CAMSAP3: variants seen among roughly 807,000 people sequenced by gnomAD.
CAMSAP3 encodes the protein calmodulin-regulated spectrin-associated protein 3.
Under a neutral mutation model 112.5 loss-of-function variants are expected in CAMSAP3, and 34 were observed. The ratio of observed to expected loss-of-function variants is 0.30; its 90% CI spans 0.23 to 0.40. The LOEUF (loss-of-function observed/expected upper bound fraction) is 0.40. Ranked by LOEUF, CAMSAP3 falls within the 10% of genes least tolerant of loss-of-function variation. The pLI is 1.00. For synonymous variants in CAMSAP3, 868 were observed against 799.8 expected, an observed-to-expected ratio of 1.09 and a Z score of -1.44; for missense variants, 1,602 against 1,770.3, an observed-to-expected ratio of 0.90 and a Z score of 1.71.
Position 7,610,906 on chromosome 19 carries a change from C to T in CAMSAP3, c.1024C>T (p.Pro342Ser). Residue 342 changes from proline to serine, a missense_variant, in exon 8 of 17, where the codon CCA becomes TCA. Transcript: ENST00000160298. This position sits in a 1 kb window ranked among gnomAD's most constrained non-coding sequence, Gnocchi z 4.9. ...AASPRGTEAS[P>S]PQNNSGSSSP... ...CTCCCCCCGGGGCACTGAGGCCTCC[C>T]CACCTCAGAACAACAGCGGCAGTAG... 1 of 1,589,648 alleles carries T rather than the reference C, an allele frequency of 6.3e-7. No individual in the cohort carries two copies. The highest frequency in any genetic ancestry group is 8.6e-7 in the Non-Finnish European group (1 of 1,167,678).
rs1296213296 is a variant in CAMSAP3, at chr19:7,610,504, G to A, written c.789G>A (p.Val263=). ...EEVCLKDPMS[V]ADSLYNLQLV... ...TGTGCTTGAAGGACCCCATGTCTGT[G>A]GCGGACAGCCTGTACAACCTCCAGC... The change falls in exon 6 of 17, where the codon GTG becomes GTA. Residue 263 remains valine, a synonymous_variant. Transcript: ENST00000160298. This position sits in a 1 kb window ranked among gnomAD's most constrained non-coding sequence, Gnocchi z 4.9. 1 of 1,613,256 alleles carries A rather than the reference G, an allele frequency of 6.2e-7. No individual in the cohort carries two copies. The highest frequency in any genetic ancestry group is 8.5e-7 in the Non-Finnish European group (1 of 1,179,938).
Position 7,612,031 on chromosome 19 carries a change from C to T in CAMSAP3, c.1538C>T (p.Pro513Leu), listed in dbSNP as rs2030520352. 6.2e-7 allele frequency: 1 copy of T among 1,612,960 alleles called. No homozygotes were observed. Among genetic ancestry groups the T allele is most frequent in the African/African-American group, 1.3e-5 (1 of 74,946 alleles). Reference sequence around the variant, plus strand: ...ACCTCCAAACCACTGTCCGACAGGCCCACCAAAGCACCAGTGTACATGCCA... The same window carrying T: ...ACCTCCAAACCACTGTCCGACAGGCTCACCAAAGCACCAGTGTACATGCCA... ...EGTSKPLSDRPTKAPVYMPHP... is the reference protein window; with the variant it reads ...EGTSKPLSDRLTKAPVYMPHP... The change falls in exon 11 of 17, where the codon CCC becomes CTC. Residue 513 changes from proline to leucine, a missense_variant. This residue lies in a region of CAMSAP3 where 1,100 missense variants were observed against 1,135.7 expected (regional missense o/e 0.97). Coordinates refer to ENST00000160298, the MANE Select transcript of CAMSAP3 (RefSeq NM_020902.2).
In CAMSAP3 at chr19:7,610,830, G is replaced by A. The variant is rs746941334; in HGVS notation, c.994+37G>A. 2.4e-5 allele frequency: 38 copies of A among 1,609,962 alleles called. No homozygotes were observed. The highest frequency in any genetic ancestry group is 3.3e-5 in the Admixed American group (2 of 59,918). ...GGGGCCTGGGGGCCGGGTCGGGGGC[G>A]GGTGGGAGAGCCAAACCCCCGCCTG... is the stretch of plus-strand genomic sequence containing the variant. On this transcript the variant is annotated intron_variant, in intron 7 of 16. Transcript: ENST00000160298. The surrounding 1 kb of genome is among the most constrained non-coding windows in gnomAD (Gnocchi z 4.9).
Position 7,610,711 on chromosome 19 carries a change from G to A in CAMSAP3, c.912G>A (p.Val304=). 1 of 1,614,052 alleles carries A rather than the reference G, an allele frequency of 6.2e-7. No homozygotes were observed. Among genetic ancestry groups the A allele is most frequent in the African/African-American group, 1.3e-5 (1 of 75,056 alleles). Reference sequence around the variant, plus strand: ...CCTCCCACCTCCAGGTCAACTTGGTGGTGATGCTGGCCGAGTTGTTCATGT... The same window carrying A: ...CCTCCCACCTCCAGGTCAACTTGGTAGTGATGCTGGCCGAGTTGTTCATGT... The part of the protein sequence containing the change: ...YVPPPLKVNL[V]VMLAELFMCF... The change falls in exon 7 of 17, where the codon GTG becomes GTA. Residue 304 remains valine, a synonymous_variant. Coordinates refer to ENST00000160298, the MANE Select transcript of CAMSAP3 (RefSeq NM_020902.2). This position sits in a 1 kb window ranked among gnomAD's most constrained non-coding sequence, Gnocchi z 4.9.
In CAMSAP3 at chr19:7,612,833, C is replaced by T. The variant is rs1203480065; in HGVS notation, c.2340C>T (p.Ser780=). ...PGPGPSQSPR[S]PKHTRPAELR... ...CCGGGCCCAGCCAGTCACCCCGCAG[C>T]CCGAAACACACGCGGCCAGCGGAGC... Residue 780 remains serine, a synonymous_variant, in exon 11 of 17, where the codon AGC becomes AGT. Transcript: ENST00000160298. The T allele has an allele frequency of 2.5e-6, 4 of 1,578,514 alleles. No homozygotes were observed. Among genetic ancestry groups the T allele is most frequent in the East Asian group, 2.3e-5 (1 of 42,572 alleles).
rs549244857 is a variant in CAMSAP3 at position 7,613,220 on chromosome 19, G to A, written c.2670+57G>A. 1.1e-4 allele frequency: 111 copies of A among 988,232 alleles called. No homozygotes were observed. In the African/African-American group the frequency reaches 1.8e-3, roughly 16 times the overall value. The allele number at this position is 988,232 out of a possible 1,614,324, so 61.2% of individuals were successfully genotyped here. ...TGGGCCTGGGGCGGGGGCGGGTGGG[G>A]GCGGGGGGAGGTGGACAAACCCACT... On this transcript the variant is annotated intron_variant, in intron 11 of 16. Coordinates refer to ENST00000160298, the MANE Select transcript of CAMSAP3 (RefSeq NM_020902.2).
At position 7,618,118 on chromosome 19, in the gene CAMSAP3, C is replaced by A; in HGVS notation, c.*61C>A. The A allele has an allele frequency of 6.5e-7, 1 of 1,545,384 alleles. No homozygotes were observed. Among genetic ancestry groups the A allele is most frequent in the South Asian group, 1.2e-5 (1 of 84,564 alleles). On this transcript the variant is annotated 3_prime_UTR_variant, in exon 17 of 17. Coordinates refer to ENST00000160298, the MANE Select transcript of CAMSAP3 (RefSeq NM_020902.2). Reference sequence around the variant, plus strand: ...GCTGCGGCCGCCATCCCCTGGAGGACAGTCAGTCGGTATTCCTGGGTCCTG... The same window carrying A: ...GCTGCGGCCGCCATCCCCTGGAGGAAAGTCAGTCGGTATTCCTGGGTCCTG...
In CAMSAP3 at chr19:7,615,597, TGCTGCGGCCCCGG is replaced by T. The variant is rs1242203813; in HGVS notation, c.2998_3010del (p.Pro1000GlyfsTer38). ...AAGCTGATGGACGACCTCGATAAGG[TGCTGCGGCCCCGG>T]GCTGCGGGGTCCGGGGGTCCAGGTC... On this transcript the variant is annotated frameshift_variant, in exon 13 of 17. Coordinates refer to ENST00000160298, the MANE Select transcript of CAMSAP3 (RefSeq NM_020902.2). LOFTEE classifies it high-confidence loss of function. The surrounding 1 kb of genome is among the most constrained non-coding windows in gnomAD (Gnocchi z 6.5). 6.8e-7 allele frequency: 1 copy of T among 1,480,828 alleles called. No individual in the cohort carries two copies. The highest frequency in any genetic ancestry group is 9.0e-7 in the Non-Finnish European group (1 of 1,116,284). The allele number at this position is 1,480,828 out of a possible 1,614,324, so 91.7% of individuals were successfully genotyped here. A position where few individuals can be genotyped will look rare whatever the true frequency, so the allele number is the denominator to read the frequency against.
chr19:7,606,366 G>A lies in CAMSAP3; in HGVS notation c.498G>A (p.Glu166=), dbSNP rs1280081315. ...GTCCCTTGGCCCTGACCAGCTTGGA[G>A]CACAAGCTGCTTTTCTGGGTGGACA... The part of the protein sequence containing the change: ...LPGPLALTSL[E]HKLLFWVDTT... Residue 166 remains glutamate, a synonymous_variant, in exon 3 of 17, where the codon GAG becomes GAA. Transcript: ENST00000160298. The A allele has an allele frequency of 6.2e-7, 1 of 1,613,854 alleles. No individual in the cohort carries two copies.
rs778811869 is a variant in CAMSAP3 at position 7,596,959 on chromosome 19, ATCCCGGG to A, written c.148+814_148+820del. On this transcript the variant is annotated intron_variant, in intron 1 of 16. Coordinates refer to ENST00000160298, the MANE Select transcript of CAMSAP3 (RefSeq NM_020902.2). ...CCACCCTAATGGGGAGGATGCCGTAATCCCGGGTCCCCGGGATTAGAGGCCCTGGAAA... is the reference window on the plus strand; with the variant it reads ...CCACCCTAATGGGGAGGATGCCGTAATCCCCGGGATTAGAGGCCCTGGAAA... Among the ~76,000 whole-genome samples, 1,448 of 152,000 alleles carry A rather than the reference ATCCCGGG, an allele frequency of 9.5e-3. 10 individuals carry two copies. Among genetic ancestry groups the A allele is most frequent in the African/African-American group, 0.032 (1,325 of 41,520 alleles).
rs1469136003 is a variant in CAMSAP3 at position 7,615,035 on chromosome 19, G to T, written c.2671-148G>T. ...GTCCCAGTACTTAGTGTGGGGCTGT[G>T]CATACAGTAGGCACCAACTAAGTGC... On this transcript the variant is annotated intron_variant, in intron 11 of 16. Coordinates refer to ENST00000160298, the MANE Select transcript of CAMSAP3 (RefSeq NM_020902.2). The surrounding 1 kb of genome is among the most constrained non-coding windows in gnomAD (Gnocchi z 6.5). 4.5e-6 allele frequency: 4 copies of T among 890,820 alleles called. No individual in the cohort carries two copies. The African/African-American group carries it at 4.9e-5, about 11-fold the overall frequency. The allele number at this position is 890,820 out of a possible 1,614,324, so 55.2% of individuals were successfully genotyped here.
In CAMSAP3 at chr19:7,608,401, G is replaced by A; in HGVS notation, c.760+137G>A. ...ATGAGGGCAGCTTCCGGAACTGGCA[G>A]GCCTGAGTTTGTGTCTCTCTCTTCC... On this transcript the variant is annotated intron_variant, in intron 5 of 16. Coordinates refer to ENST00000160298, the MANE Select transcript of CAMSAP3 (RefSeq NM_020902.2). The A allele has an allele frequency of 3.8e-6, 4 of 1,046,638 alleles. No individual in the cohort carries two copies. The South Asian group carries it at 6.3e-5, about 17-fold the overall frequency. The allele number at this position is 1,046,638 out of a possible 1,614,324, so 64.8% of individuals were successfully genotyped here. A position where few individuals can be genotyped will look rare whatever the true frequency, so the allele number is the denominator to read the frequency against.
At chr19:7,600,050 TCCATCCACCCGC>T (rs1296658925) in intron 1 of CAMSAP3, among the ~76,000 whole-genome samples, 2 of 12,070 alleles carry the variant, frequency 1.7e-4, no homozygotes, top group African/African-American at 9.3e-4. Context: ...CGCCCACTCA[TCCATCCACCCGC>T]CCATCCATCC....
intron 11 of CAMSAP3, chr19:7,614,967 AGT>A (rs2146175063): frequency 1.3e-5 from 8 of 610,846 alleles, no homozygotes; most frequent in East Asian, 2.8e-5. Flanking sequence ...TGGGTTAAGC[AGT>A]GTGTGTGTGA....
chr19:7,607,727 G>T lies in CAMSAP3; in HGVS notation c.622-399G>T. 2.0e-6 allele frequency: 1 copy of T among 504,730 alleles called. No individual in the cohort carries two copies. The highest frequency in any genetic ancestry group is 3.1e-5 in the South Asian group (1 of 31,854). The allele number at this position is 504,730 out of a possible 1,614,324, so 31.3% of individuals were successfully genotyped here. ...GCTGGACGGCCGGGGCTCAGGACCA[G>T]GGTCAGGGCTACCCCCTCCCCCCCA... On this transcript the variant is annotated intron_variant, in intron 4 of 16. Coordinates refer to ENST00000160298, the MANE Select transcript of CAMSAP3 (RefSeq NM_020902.2). The surrounding 1 kb of genome is among the most constrained non-coding windows in gnomAD (Gnocchi z 4.9).
In CAMSAP3 at chr19:7,607,373, C is replaced by A. The variant is rs772749389; in HGVS notation, c.622-753C>A. On this transcript the variant is annotated intron_variant, in intron 4 of 16. Transcript: ENST00000160298. This position sits in a 1 kb window ranked among gnomAD's most constrained non-coding sequence, Gnocchi z 4.9. ...GCTGGAAGTTGAAATTTCTCTCTTC[C>A]CTGAATGAGCTGTGTGACCTTGCAG... Among the ~76,000 whole-genome samples, 8 of 152,182 alleles carry A rather than the reference C, an allele frequency of 5.3e-5. No individual in the cohort carries two copies. The highest frequency in any genetic ancestry group is 1.2e-4 in the Non-Finnish European group (8 of 68,030).
Position 7,617,573 on chromosome 19 carries a change from A to C in CAMSAP3, c.3356A>C (p.Lys1119Thr). Residue 1119 changes from lysine (K) to threonine (T), a missense_variant, in exon 16 of 17, where the codon AAG becomes ACG. Lys to Thr is a moderately conservative substitution (Grantham distance 78). Around this residue, in one of 6 missense-constraint regions of CAMSAP3, gnomAD observed 150 missense variants for 207.6 expected, o/e 0.72. Transcript: ENST00000160298. The surrounding 1 kb of genome is among the most constrained non-coding windows in gnomAD (Gnocchi z 7.5). ...GPRLYKEPSA[K>T]SNKFIIHNAL... ...CGGCTGTACAAAGAACCCAGCGCCA[A>C]GTCCAACAAGTTCATCATCCACAAT... 1 of 1,614,128 alleles carries C rather than the reference A, an allele frequency of 6.2e-7. No individual in the cohort carries two copies. The highest frequency in any genetic ancestry group is 8.5e-7 in the Non-Finnish European group (1 of 1,180,018).
Position 7,617,377 on chromosome 19 carries a change from C to G in CAMSAP3, c.3264C>G (p.Arg1088=), listed in dbSNP as rs528931068. The G allele has an allele frequency of 4.3e-6, 7 of 1,614,138 alleles. No homozygotes were observed. The highest frequency in any genetic ancestry group is 1.3e-5 in the African/African-American group (1 of 75,044). The change falls in exon 15 of 17, where the codon CGC becomes CGG. Residue 1088 remains arginine (R), a synonymous_variant. Coordinates refer to ENST00000160298, the MANE Select transcript of CAMSAP3 (RefSeq NM_020902.2). The surrounding 1 kb of genome is among the most constrained non-coding windows in gnomAD (Gnocchi z 7.5). ...CCCCAAGCCGCCTGCCTGGAAGCCG[C>G]GAACGGGACTGGGAAAATGGCAGCA... The part of the protein sequence containing the change: ...LMSPSRLPGS[R]ERDWENGSNA...
chr19:7,612,726 A>C lies in CAMSAP3; in HGVS notation c.2233A>C (p.Ile745Leu). 6.5e-7 allele frequency: 1 copy of C among 1,530,076 alleles called. No individual in the cohort carries two copies. Among genetic ancestry groups the C allele is most frequent in the Non-Finnish European group, 8.7e-7 (1 of 1,143,688 alleles). The allele number at this position is 1,530,076 out of a possible 1,614,324, so 94.8% of individuals were successfully genotyped here. ...CGCCCCACCACCTGCTGCGTGGGTC[A>C]TCCCTGGCCCCACGACGGGGCCCAA... ...GSAPPPAAWV[I>L]PGPTTGPKAA... Residue 745 changes from isoleucine (I) to leucine (L), a missense_variant, in exon 11 of 17, where the codon ATC (isoleucine) becomes CTC (leucine). Around this residue, in one of 6 missense-constraint regions of CAMSAP3, gnomAD observed 1,100 missense variants for 1,135.7 expected, o/e 0.97. Coordinates refer to ENST00000160298, the MANE Select transcript of CAMSAP3 (RefSeq NM_020902.2).
Sources: allele counts gnomAD v4.1 joint callset (sites outside exome capture counted in the v4.1 genomes callset), GRCh38; gene constraint gnomAD v4.1.1; regional missense constraint gnomAD v4.1.1; non-coding constraint Gnocchi (gnomAD v3.1); transcripts MANE v1.5; gene names NCBI Gene and HGNC (gene_info 2026-07-23, HGNC 2026-07-21).